The following DIPK2A variants were observed in gnomAD, a reference collection of about 807,000 sequenced individuals.
The protein encoded by DIPK2A is Golgi Protein of 49 kDa.
Under a neutral mutation model 39.0 loss-of-function variants are expected in DIPK2A, and 27 were observed. The ratio of observed to expected loss-of-function variants is 0.69; its 90% CI spans 0.51 to 0.96. The LOEUF (loss-of-function observed/expected upper bound fraction) is 0.96. DIPK2A is among the 40% of genes least tolerant of loss of function. The pLI, the probability that DIPK2A is intolerant of heterozygous loss-of-function variation, is 0.00. For missense variants in DIPK2A, 528 were observed against 571.3 expected (o/e 0.92, Z 0.77); for synonymous variants, 298 against 240.8 (o/e 1.24, Z -2.20).
rs562508660 is a variant in DIPK2A at position 143,984,686 on chromosome 3, G to A, written c.658-857G>A. The stretch of plus-strand genomic sequence containing the variant: ...ATGAGTGTTCATGGTCATGGAACAC[G>A]TTTTTTTTTGATTTAGGATGATAAT... On this transcript the variant is annotated intron_variant, in intron 1 of 2. Transcript: ENST00000315691. Among the ~76,000 whole-genome samples the A allele has an allele frequency of 2.5e-4, 38 of 151,392 alleles. No individual in the cohort carries two copies. The East Asian group carries it at 7.4e-3, about 29-fold the overall frequency.
chr3:143,990,178 GTACT>G lies in DIPK2A; in HGVS notation c.*340_*343del, dbSNP rs1450146022. On this transcript the variant is annotated 3_prime_UTR_variant, in exon 3 of 3. Coordinates refer to ENST00000315691, the MANE Select transcript of DIPK2A (RefSeq NM_173552.5). ...TGGCTTGTGTATCAAAGGGTACTTG[GTACT>G]TAGTTTGCATTTACTATCATGATTT... The G allele has an allele frequency of 1.6e-5, 3 of 188,758 alleles. No individual in the cohort carries two copies. The highest frequency in any genetic ancestry group is 3.3e-5 in the Non-Finnish European group (3 of 91,184). The allele number at this position is 188,758 out of a possible 1,614,324, so 11.7% of individuals were successfully genotyped here.
intron 1 of DIPK2A, chr3:143,973,574 C>T: frequency 1.3e-6 from 2 of 1,532,418 alleles, no homozygotes; most frequent in South Asian, 1.2e-5. Context: ...TGGGTTTAAT[C>T]TGTGAGCCGA....
intron 2 of DIPK2A, chr3:143,986,066 T>C: frequency 1.9e-6 from 1 of 534,006 alleles, no homozygotes; most frequent in Non-Finnish European, 3.3e-6. Context: ...ATATTGTTAT[T>C]TGAAATATAT....
chr3:143,981,728 C>T (rs2087832225), intron 1 of DIPK2A, among the ~76,000 whole-genome samples: 1 of 152,108 alleles, frequency 6.6e-6, no homozygotes, highest in Non-Finnish European at 1.5e-5. Context: ...CCACCCCAAA[C>T]TAATAAAGTT....
At chr3:143,987,161 C>A (rs1276838396) in intron 2 of DIPK2A, among the ~76,000 whole-genome samples, 1 of 152,160 alleles carries the variant, frequency 6.6e-6, no homozygotes, top group Non-Finnish European at 1.5e-5. Context: ...CCTCTTCCTA[C>A]ATCTGTGAAT....
At position 143,972,594 on chromosome 3, in the gene DIPK2A, G is replaced by T. The variant is rs1244479952; in HGVS notation, c.262G>T (p.Val88Leu). The T allele has an allele frequency of 1.2e-6, 2 of 1,612,214 alleles. No individual in the cohort carries two copies. ...GRLRLLDFLN[V>L]KNVYFAQYGE... is the part of the protein sequence containing the mutation. The stretch of plus-strand genomic sequence containing the variant: ...CTTGCGCCTGCTGGACTTCCTCAAC[G>T]TGAAGAACGTGTACTTCGCGCAGTA... Residue 88 changes from valine to leucine, a missense_variant, in exon 1 of 3, where the codon GTG becomes TTG. Coordinates refer to ENST00000315691, the MANE Select transcript of DIPK2A (RefSeq NM_173552.5).
Position 143,972,507 on chromosome 3 carries a change from T to G in DIPK2A, c.175T>G (p.Phe59Val), listed in dbSNP as rs1264528455. 1 of 1,610,614 alleles carries G rather than the reference T, an allele frequency of 6.2e-7. No individual in the cohort carries two copies. ...GCAGCTCAATAAGTGCCCGGCGTGC[T>G]TCGGCACGAGCTGGTGCCGCCGCTT... ...FLQLNKCPAC[F>V]GTSWCRRFLN... The change falls in exon 1 of 3, where the codon TTC becomes GTC. Residue 59 changes from phenylalanine (F) to valine (V), a missense_variant. Transcript: ENST00000315691.
chr3:143,975,156 G>A (rs924249730), intron 1 of DIPK2A, among the ~76,000 whole-genome samples: 22 of 152,214 alleles, frequency 1.4e-4, no homozygotes, highest in African/African-American at 4.8e-4. Flanking sequence ...CCACGTTTTA[G>A]AGTGAGGTTT....
intron 1 of DIPK2A, chr3:143,973,221 C>G: frequency 1.8e-6 from 2 of 1,090,460 alleles, no homozygotes; most frequent in Non-Finnish European, 2.7e-6. Flanking sequence ...GGGCGCATTT[C>G]GGATTTGACT....
Position 143,972,480 on chromosome 3 carries a change from C to T in DIPK2A, c.148C>T (p.Leu50=). The part of the protein sequence containing the change: ...QRNELTDRRF[L]QLNKCPACFG... ...CAACGAACTGACCGACCGGCGCTTCCTGCAGCTCAATAAGTGCCCGGCGTG... is the reference window on the plus strand; with the variant it reads ...CAACGAACTGACCGACCGGCGCTTCTTGCAGCTCAATAAGTGCCCGGCGTG... Residue 50 remains leucine, a synonymous_variant, in exon 1 of 3, where the codon CTG becomes TTG. Transcript: ENST00000315691. 1 of 1,607,938 alleles carries T rather than the reference C, an allele frequency of 6.2e-7. No individual in the cohort carries two copies. The highest frequency in any genetic ancestry group is 8.5e-7 in the Non-Finnish European group (1 of 1,176,826).
intron 1 of DIPK2A, 182 bp downstream of exon 1, chr3:143,973,171 G>A (rs1310631719): frequency 9.6e-7 from 1 of 1,041,456 alleles, no homozygotes; most frequent in Non-Finnish European, 1.4e-6. Flanking sequence ...GGCCGAGGGC[G>A]ACCCCGCTGA....
chr3:143,986,992 G>T (rs2087912434), intron 2 of DIPK2A, among the ~76,000 whole-genome samples: 1 of 152,038 alleles, frequency 6.6e-6, no homozygotes, highest in Admixed American at 6.5e-5. Flanking sequence ...TTTACTTTTT[G>T]CATGATCTTG....
At chr3:143,973,097 G>C in intron 1 of DIPK2A, 108 bp downstream of exon 1, 2 of 1,389,566 alleles carry the variant, frequency 1.4e-6, no homozygotes, top group Non-Finnish European at 2.0e-6. Flanking sequence ...GACTCGGCCG[G>C]GCTGGGCCAG....
chr3:143,985,888 T>G (rs534455903), intron 2 of DIPK2A, 42 bp downstream of exon 2: 1 of 1,470,740 alleles, frequency 6.8e-7, no homozygotes, highest in African/African-American at 1.4e-5. Flanking sequence ...CATTTTTTCC[T>G]ATGTCAAAAT....
chr3:143,988,282 A>G (rs904534203), intron 2 of DIPK2A, among the ~76,000 whole-genome samples: 1 of 151,972 alleles, frequency 6.6e-6, no homozygotes, highest in Non-Finnish European at 1.5e-5. Context: ...AATTTTTTGT[A>G]GAGGGTGGGA....
chr3:143,989,474 A>C (rs761021949), intron 2 of DIPK2A, 36 bp from the exon 3 acceptor site: 1 of 1,453,378 alleles, frequency 6.9e-7, no homozygotes, highest in Non-Finnish European at 9.4e-7. Flanking sequence ...CTATTTAAAA[A>C]ATTTTTTTCT....
At position 143,990,713 on chromosome 3, in the gene DIPK2A, CTAGT is replaced by C. The variant is rs2107851455; in HGVS notation, c.*873_*876del. 1 of 152,640 alleles carries C rather than the reference CTAGT, an allele frequency of 6.6e-6. No individual in the cohort carries two copies. Among genetic ancestry groups the C allele is most frequent in the South Asian group, 2.1e-4 (1 of 4,826 alleles). 9.5% of individuals were successfully genotyped at this position (152,640 alleles called of 1,614,324 possible). A position where few individuals can be genotyped will look rare whatever the true frequency, so the allele number is the denominator to read the frequency against. ...CAACCCAGTATCTAAAAAGTGTTAA[CTAGT>C]CCAAGATAGTAATGCATATGCCAAA... On this transcript the variant is annotated 3_prime_UTR_variant, in exon 3 of 3. Transcript: ENST00000315691.
chr3:143,985,402 A>G (rs2087884990), intron 1 of DIPK2A, 141 bp from the exon 2 acceptor site: 1 of 711,750 alleles, frequency 1.4e-6, no homozygotes, highest in Admixed American at 3.0e-5. Flanking sequence ...GAAAAAATGA[A>G]GTTAATCTCT....
chr3:143,988,882 C>T (rs1337072941), intron 2 of DIPK2A, among the ~76,000 whole-genome samples: 2 of 152,208 alleles, frequency 1.3e-5, no homozygotes, highest in Non-Finnish European at 2.9e-5. Flanking sequence ...TAGTTGCTCT[C>T]ATGATCTTAA....
Sources: gnomAD v4.1 joint callset for allele counts (sites outside exome capture counted in the v4.1 genomes callset) on GRCh38, gnomAD v4.1.1 for gene constraint, MANE v1.5 for transcripts, NCBI Gene and HGNC (gene_info 2026-07-23, HGNC 2026-07-21) for gene names.